IGSF23: variants seen among roughly 807,000 people sequenced by gnomAD.
IGSF23 encodes immunoglobulin superfamily, member 23.
In IGSF23, 14 loss-of-function variants were observed where a neutral mutation model predicts 17.8. The ratio of observed to expected loss-of-function variants is 0.79; its 90% CI spans 0.52 to 1.23. The LOEUF is 1.23. Ranked by LOEUF, IGSF23 falls within the 50% of genes most tolerant of loss-of-function variation. The pLI, the probability that IGSF23 is intolerant of heterozygous loss-of-function variation, is 0.00. For missense variants in IGSF23, 214 were observed against 241.7 expected (o/e 0.89, Z 0.76); for synonymous variants, 85 against 92.5 (o/e 0.92, Z 0.46).
At chr19:44,618,950 T>G (rs1455689109) in intron 1 of IGSF23, among the ~76,000 whole-genome samples, 4 of 147,348 alleles carry the variant, frequency 2.7e-5, no homozygotes, top group Non-Finnish European at 6.0e-5. Context: ...TCCATTGCTA[T>G]AAAGACATAC....
chr19:44,636,301 A>G (rs948637973), intron 4 of IGSF23, 118 bp from the exon 5 acceptor site: 12 of 152,188 alleles, frequency 7.9e-5, no homozygotes, highest in African/African-American at 2.9e-4. Context: ...GAAATGTGGA[A>G]GTACACACAG....
chr19:44,631,827 G>A (rs1271622435), intron 3 of IGSF23, among the ~76,000 whole-genome samples: 1 of 152,216 alleles, frequency 6.6e-6, no homozygotes, highest in Non-Finnish European at 1.5e-5. Flanking sequence ...CCTTTAAGTG[G>A]TTTTCCGCCC....
chr19:44,623,725 G>C lies in IGSF23; in HGVS notation c.144G>C (p.Leu48=). The C allele has an allele frequency of 6.4e-7, 1 of 1,551,174 alleles. No homozygotes were observed. The highest frequency in any genetic ancestry group is 8.7e-7 in the Non-Finnish European group (1 of 1,147,118). ...CAGACAGCCTCCAACTAATGCCACT[G>C]AAGACATTCCCAGCTGCTATCCGGG... ...PANLVLQLMP[L]KTFPAAIRGV... Residue 48 remains leucine, a synonymous_variant, in exon 2 of 5, where the codon CTG becomes CTC. Transcript: ENST00000402988.
At chr19:44,618,052 C>T (rs1241346958) in intron 1 of IGSF23, 2 of 470,210 alleles carry the variant, frequency 4.3e-6, no homozygotes, top group South Asian at 3.1e-5. Context: ...TCAATGATTC[C>T]TCCTCCTTCC....
chr19:44,623,623 T>C, intron 1 of IGSF23, 84 bp from the exon 2 acceptor site: 1 of 1,275,822 alleles, frequency 7.8e-7, no homozygotes, highest in Admixed American at 2.1e-5. Context: ...AAAGAATGGA[T>C]GTCTCTATGG....
intron 2 of IGSF23, among the ~76,000 whole-genome samples, chr19:44,624,795 C>T (rs1453472203): frequency 2.0e-5 from 3 of 150,890 alleles, no homozygotes; most frequent in Non-Finnish European, 2.9e-5. Context: ...GGTGCAGTGG[C>T]TCACACCTGT....
At chr19:44,625,111 A>G (rs1341660544) in intron 2 of IGSF23, among the ~76,000 whole-genome samples, 1 of 152,012 alleles carries the variant, frequency 6.6e-6, no homozygotes, top group Non-Finnish European at 1.5e-5. Flanking sequence ...GTTCAAAGCA[A>G]TGGCTTTGGA....
intron 3 of IGSF23, among the ~76,000 whole-genome samples, chr19:44,631,852 G>A (rs1188526748): frequency 6.6e-6 from 1 of 152,220 alleles, no homozygotes; most frequent in Non-Finnish European, 1.5e-5. Flanking sequence ...TGGGCAAGGT[G>A]TTCCTTGCCC....
At chr19:44,614,085 CTG>C in intron 1 of IGSF23, 1 of 1,082,510 alleles carries the variant, frequency 9.2e-7, no homozygotes, top group Admixed American at 2.2e-5. Context: ...AGCTTTGACC[CTG>C]TCAGTTTGAG....
At chr19:44,630,182 G>A (rs1972735418) in intron 3 of IGSF23, among the ~76,000 whole-genome samples, 1 of 152,142 alleles carries the variant, frequency 6.6e-6, no homozygotes. Flanking sequence ...GAGACATTGT[G>A]GACCAGCTGG....
intron 3 of IGSF23, 54 bp from the exon 4 acceptor site, chr19:44,635,347 A>T: frequency 8.2e-7 from 1 of 1,214,246 alleles, no homozygotes; most frequent in Non-Finnish European, 1.2e-6. Flanking sequence ...GATGATTCTT[A>T]TTCTCTCTCT....
chr19:44,628,927 G>A (rs780554408), intron 3 of IGSF23, among the ~76,000 whole-genome samples: 4 of 152,142 alleles, frequency 2.6e-5, no homozygotes, highest in African/African-American at 4.8e-5. Context: ...GGGGAGCCAC[G>A]TGAGGGTCTG....
At chr19:44,634,910 G>C (rs1972852878) in intron 3 of IGSF23, among the ~76,000 whole-genome samples, 1 of 152,018 alleles carries the variant, frequency 6.6e-6, no homozygotes, top group Non-Finnish European at 1.5e-5. Flanking sequence ...GCTGTGAACA[G>C]TGCCTGGAAT....
intron 2 of IGSF23, among the ~76,000 whole-genome samples, chr19:44,626,444 A>C (rs1249995607): frequency 6.6e-6 from 1 of 152,210 alleles, no homozygotes; most frequent in African/African-American, 2.4e-5. Flanking sequence ...CTGGTGACCA[A>C]GACAGCTGCA....
chr19:44,626,587 G>A (rs943047431), intron 2 of IGSF23, among the ~76,000 whole-genome samples: 1 of 152,138 alleles, frequency 6.6e-6, no homozygotes, highest in Non-Finnish European at 1.5e-5. Context: ...TGGAAGAAGG[G>A]ACACCTGAGC....
chr19:44,624,558 T>C (rs1360317157), intron 2 of IGSF23, among the ~76,000 whole-genome samples: 1 of 152,058 alleles, frequency 6.6e-6, no homozygotes, highest in African/African-American at 2.4e-5. Context: ...CTACTGGGAT[T>C]ACAGACATGA....
intron 1 of IGSF23, among the ~76,000 whole-genome samples, chr19:44,616,975 T>C (rs1009306804): frequency 6.6e-6 from 1 of 151,900 alleles, no homozygotes; most frequent in African/African-American, 2.4e-5. Flanking sequence ...CATAGCTCAC[T>C]GAAACCTCAA....
chr19:44,630,251 G>C (rs1348050389), intron 3 of IGSF23, among the ~76,000 whole-genome samples: 1 of 152,172 alleles, frequency 6.6e-6, no homozygotes, highest in African/African-American at 2.4e-5. Flanking sequence ...TAGGGGCAAG[G>C]GAGGGCCAGC....
At position 44,623,954 on chromosome 19, in the gene IGSF23, G is replaced by A. The variant is rs1024620918; in HGVS notation, c.373G>A (p.Val125Ile). Residue 125 changes from valine (V) to isoleucine (I), a missense_variant, in exon 2 of 5, where the codon GTA becomes ATA. By Grantham distance (29) the Val-to-Ile change is conservative. Transcript: ENST00000402988. ...CAAGAAACAGCTGGTCTCTGAGCCT[G>A]TAACCATCTCGCTGCCAAGTGAGTC... is the stretch of plus-strand genomic sequence containing the variant. Reference protein sequence around the residue: ...NSKKQLVSEPVTISLPKPIMQ... With the variant: ...NSKKQLVSEPITISLPKPIMQ... The A allele has an allele frequency of 6.5e-7, 1 of 1,550,004 alleles. No homozygotes were observed. The highest frequency in any genetic ancestry group is 8.7e-7 in the Non-Finnish European group (1 of 1,146,702).
Sources: gnomAD v4.1 joint callset for allele counts (sites outside exome capture counted in the v4.1 genomes callset) on GRCh38, gnomAD v4.1.1 for gene constraint, MANE v1.5 for transcripts, NCBI Gene and HGNC (gene_info 2026-07-23, HGNC 2026-07-21) for gene names.